Variants in HCK observed in about 807,000 individuals in gnomAD.
HCK encodes tyrosine-protein kinase HCK.
Under a neutral mutation model 70.4 loss-of-function variants are expected in HCK, and 40 were observed. The ratio of observed to expected loss-of-function variants is 0.57; its 90% CI spans 0.44 to 0.74. The LOEUF is 0.74. Among genes scored for constraint, HCK ranks in the 30% least tolerant of loss-of-function variants. HCK has a pLI of 0.00. For synonymous variants in HCK, 245 were observed against 263.2 expected, an observed-to-expected ratio of 0.93 and a Z score of 0.67; for missense variants, 568 against 697.2, an observed-to-expected ratio of 0.81 and a Z score of 2.09.
intron 1 of HCK, among the ~76,000 whole-genome samples, 159 bp downstream of exon 1, chr20:32,052,645 G>A (rs2045191414): frequency 6.6e-6 from 1 of 152,114 alleles, no homozygotes; most frequent in South Asian, 2.1e-4. Flanking sequence ...CGGGGGATGA[G>A]GGGTCGACAG....
rs1299403458 is a variant in HCK at position 32,101,482 on chromosome 20, A to G, written c.1544A>G (p.Tyr515Cys). The G allele has an allele frequency of 6.2e-7, 1 of 1,613,826 alleles. No individual in the cohort carries two copies. The change falls in exon 13 of 13, where the codon TAC (tyrosine) becomes TGC (cysteine). Residue 515 changes from tyrosine (Y) to cysteine (C), a missense_variant. Tyr to Cys is a radical substitution (Grantham distance 194, BLOSUM62 -2). Around this residue, in one of 4 missense-constraint regions of HCK, gnomAD observed 77 missense variants for 85.0 expected, o/e 0.91. Coordinates refer to ENST00000375852, the MANE Select transcript of HCK (RefSeq NM_002110.5). ...ATCCAGAGTGTGCTGGATGACTTCTACACGGCCACAGAGAGCCAGTACCAA... is the reference window on the plus strand; with the variant it reads ...ATCCAGAGTGTGCTGGATGACTTCTGCACGGCCACAGAGAGCCAGTACCAA...
chr20:32,094,119 C>A, intron 11 of HCK, 103 bp downstream of exon 11: 1 of 1,072,286 alleles, frequency 9.3e-7, no homozygotes, highest in South Asian at 1.5e-5. Context: ...AGGGACTGCC[C>A]CAGTACTAGC....
rs11482239 is a variant in HCK, at chr20:32,067,531, CTTTTTT to C, written c.63-4115_63-4110del. On this transcript the variant is annotated intron_variant, in intron 1 of 12. Coordinates refer to ENST00000375852, the MANE Select transcript of HCK (RefSeq NM_002110.5). The stretch of plus-strand genomic sequence containing the variant: ...GAGCAGGAATGTCCTGATGCTTTTA[CTTTTTT>C]TTTTTTTTTTTTTTTGCCCCGTCTT... 8.8e-4 allele frequency among the ~76,000 whole-genome samples: 97 copies of C among 110,348 alleles called. 1 individual carries two copies. The highest frequency in any genetic ancestry group is 0.017 in the Middle Eastern group (2 of 120). 72.4% of individuals were successfully genotyped at this position (110,348 alleles called of 152,430 possible).
chr20:32,064,455 G>C (rs570816340), intron 1 of HCK, among the ~76,000 whole-genome samples: 2 of 152,192 alleles, frequency 1.3e-5, no homozygotes, highest in African/African-American at 2.4e-5. Context: ...TTAGAAGAAG[G>C]GGGGAATGGA....
intron 1 of HCK, 121 bp downstream of exon 1, chr20:32,052,607 C>T: frequency 1.4e-6 from 1 of 700,836 alleles, no homozygotes. Context: ...CGAGGGGAGA[C>T]GGAACGTCGG....
intron 11 of HCK, among the ~76,000 whole-genome samples, chr20:32,094,777 G>GAAAGAAGGAA (rs879408977): frequency 4.6e-4 from 47 of 102,656 alleles, no homozygotes; most frequent in African/African-American, 1.8e-3. Context: ...AAGAAAGAAA[G>GAAAGAAGGAA]AGAGAGAAAG....
At chr20:32,074,545 G>A in intron 4 of HCK, 78 bp from the exon 5 acceptor site, 1 of 1,076,272 alleles carries the variant, frequency 9.3e-7, no homozygotes, top group South Asian at 1.3e-5. Context: ...GAGTTTTCTA[G>A]GTCAAGGCTG....
chr20:32,059,788 T>C (rs2045339469), intron 1 of HCK, among the ~76,000 whole-genome samples: 1 of 152,164 alleles, frequency 6.6e-6, no homozygotes, highest in African/African-American at 2.4e-5. Context: ...AGTGCTGGTA[T>C]TACAGATGTG....
At chr20:32,089,910 T>C (rs898174575) in intron 10 of HCK, among the ~76,000 whole-genome samples, 1 of 152,180 alleles carries the variant, frequency 6.6e-6, no homozygotes, top group African/African-American at 2.4e-5. Context: ...TGTGCAAAAG[T>C]AGGTGAAGGA....
intron 10 of HCK, among the ~76,000 whole-genome samples, chr20:32,093,318 G>C (rs2045888793): frequency 6.6e-6 from 1 of 152,124 alleles, no homozygotes; most frequent in African/African-American, 2.4e-5. Flanking sequence ...CAAGCAACAT[G>C]TCTGGCACCC....
chr20:32,096,220 C>T (rs1295066243), intron 11 of HCK, among the ~76,000 whole-genome samples: 5 of 151,350 alleles, frequency 3.3e-5, no homozygotes, highest in Non-Finnish European at 4.4e-5. Flanking sequence ...CGGGTGCGGC[C>T]GGGCACAGTG....
At chr20:32,067,531 C>CTT (rs11482239) in intron 1 of HCK, among the ~76,000 whole-genome samples, 3,796 of 110,258 alleles carry the variant, frequency 0.034, 143 homozygotes, top group African/African-American at 0.054. Flanking sequence ...GATGCTTTTA[C>CTT]TTTTTTTTTT....
chr20:32,076,706 C>T (rs146205781), intron 5 of HCK, among the ~76,000 whole-genome samples: 1 of 152,134 alleles, frequency 6.6e-6, no homozygotes, highest in South Asian at 2.1e-4. Context: ...TGTCAGATTC[C>T]GAATGTGCAT....
intron 1 of HCK, among the ~76,000 whole-genome samples, chr20:32,060,175 C>T (rs1161068577): frequency 6.6e-6 from 1 of 151,988 alleles, no homozygotes; most frequent in African/African-American, 2.4e-5. Flanking sequence ...TGTGCATCAC[C>T]CTTCTCAGTT....
chr20:32,066,249 A>G (rs1235025040), intron 1 of HCK, among the ~76,000 whole-genome samples: 1 of 149,330 alleles, frequency 6.7e-6, no homozygotes, highest in East Asian at 2.0e-4. Context: ...AACATACTAT[A>G]GATTCTGCTG....
chr20:32,053,713 GT>G (rs2045219408), intron 1 of HCK, among the ~76,000 whole-genome samples: 1 of 148,318 alleles, frequency 6.7e-6, no homozygotes, highest in South Asian at 2.2e-4. Flanking sequence ...CAGGCTTAAT[GT>G]ATGTTAACAT....
At chr20:32,099,350 C>CTTTT (rs71336559) in intron 12 of HCK, among the ~76,000 whole-genome samples, 31 of 85,162 alleles carry the variant, frequency 3.6e-4, no homozygotes, top group Non-Finnish European at 4.4e-4. Context: ...ACTCCTATGA[C>CTTTT]TTTTTTTTTT....
Position 32,100,710 on chromosome 20 carries a change from T to A in HCK, c.1379-607T>A, listed in dbSNP as rs1330537389. On this transcript the variant is annotated intron_variant, in intron 12 of 12. Coordinates refer to ENST00000375852, the MANE Select transcript of HCK (RefSeq NM_002110.5). ...ATGAATAGCTAATAGAAACTTGAACTGAACAAAAAAATGGTCCCACCCATA... is the reference window on the plus strand; with the variant it reads ...ATGAATAGCTAATAGAAACTTGAACAGAACAAAAAAATGGTCCCACCCATA... Among the ~76,000 whole-genome samples the A allele has an allele frequency of 2.0e-5, 3 of 152,194 alleles. No homozygotes were observed. The East Asian group carries it at 5.8e-4, about 29-fold the overall frequency.
chr20:32,095,390 G>A (rs1057206014), intron 11 of HCK, among the ~76,000 whole-genome samples: 2 of 151,990 alleles, frequency 1.3e-5, no homozygotes, highest in Non-Finnish European at 2.9e-5. Flanking sequence ...TGAGTAGCTG[G>A]GATTACAGGC....
Sources: gnomAD v4.1 joint callset for allele counts (sites outside exome capture counted in the v4.1 genomes callset) on GRCh38, gnomAD v4.1.1 for gene constraint, gnomAD v4.1.1 regional missense constraint, MANE v1.5 for transcripts, NCBI Gene and HGNC (gene_info 2026-07-23, HGNC 2026-07-21) for gene names.